Variants in SARDH observed in about 807,000 individuals in gnomAD.
SARDH encodes the protein sarcosine dehydrogenase, mitochondrial.
A neutral mutation model predicts 109.1 loss-of-function variants in SARDH; 95 were observed. That is an observed-to-expected ratio of 0.87 (90% CI 0.74 to 1.03). The LOEUF is 1.03. Among genes scored for constraint, SARDH ranks in the 50% least tolerant of loss-of-function variants. The pLI, the probability that SARDH is intolerant of heterozygous loss-of-function variation, is 0.00. For missense variants in SARDH, 1,267 were observed against 1,287.8 expected (o/e 0.98, Z 0.25); for synonymous variants, 572 against 534.8 (o/e 1.07, Z -0.96).
chr9:133,683,321 G>A (rs2131364687), intron 17 of SARDH, among the ~76,000 whole-genome samples: 1 of 152,320 alleles, frequency 6.6e-6, no homozygotes, highest in East Asian at 1.9e-4. Flanking sequence ...CAAATGGGAG[G>A]GGACGTGTTC....
chr9:133,685,116 GC>G, intron 17 of SARDH, 76 bp downstream of exon 17: 4 of 1,238,442 alleles, frequency 3.2e-6, no homozygotes, highest in Non-Finnish European at 3.4e-6. Flanking sequence ...AGAGCCCCCA[GC>G]CCCCAGATCC....
Position 133,663,959 on chromosome 9 carries a change from G to T in SARDH, c.2687C>A (p.Thr896Asn), listed in dbSNP as rs756954902. The T allele has an allele frequency of 6.2e-7, 1 of 1,614,180 alleles. No individual in the cohort carries two copies. Reference sequence around the variant, plus strand: ...CTTCAGGTGAGCCTGGGCACCATAGGTCACCCCCATTCTCTCCAGGGCATA... The same window carrying T: ...CTTCAGGTGAGCCTGGGCACCATAGTTCACCCCCATTCTCTCCAGGGCATA... ...GDYALERMGVTYGAQAHLKSP... is the reference protein window; with the variant it reads ...GDYALERMGVNYGAQAHLKSP... Residue 896 changes from threonine to asparagine, a missense_variant, in exon 21 of 21, where the codon ACC becomes AAC. Transcript: ENST00000439388.
rs1831172324 is a variant in SARDH, at chr9:133,693,455, G to A, written c.1921+803C>T. The stretch of plus-strand genomic sequence containing the variant: ...AGATGCCAGGTTTTCTGAATGGGCT[G>A]AGCCCTCCCCGCTGACTGTGCCCCT... On this transcript the variant is annotated intron_variant, in intron 15 of 20. Transcript: ENST00000439388. The surrounding 1 kb of genome is among the most constrained non-coding windows in gnomAD (Gnocchi z 5.6). Among the ~76,000 whole-genome samples, 1 of 152,212 alleles carries A rather than the reference G, an allele frequency of 6.6e-6. No homozygotes were observed. Among genetic ancestry groups the A allele is most frequent in the Non-Finnish European group, 1.5e-5 (1 of 68,036 alleles).
chr9:133,722,887 G>A (rs1355870686), intron 6 of SARDH, among the ~76,000 whole-genome samples: 1 of 152,128 alleles, frequency 6.6e-6, no homozygotes. Context: ...TTGAACTCCT[G>A]ACCTCAAGCA....
chr9:133,725,658 A>T (rs190420219), intron 6 of SARDH: 106 of 240,504 alleles, frequency 4.4e-4, no homozygotes, highest in African/African-American at 2.2e-3. Flanking sequence ...TGTGGGCAAC[A>T]AAGTGAAACT....
chr9:133,733,172 G>A (rs1373897268), intron 2 of SARDH, among the ~76,000 whole-genome samples: 29 of 152,216 alleles, frequency 1.9e-4, no homozygotes, highest in Admixed American at 1.9e-3. Context: ...AGTGGCTTGT[G>A]GGAGCCGGCT....
chr9:133,713,095 T>G lies in SARDH; in HGVS notation c.1180A>C (p.Met394Leu), dbSNP rs746393902. Reference protein sequence around the residue: ...ESFTPDHKPLMGEAPELRGFF... With the variant: ...ESFTPDHKPLLGEAPELRGFF... The stretch of plus-strand genomic sequence containing the variant: ...CCTCGGAGCTCAGGTGCCTCCCCCA[T>G]CAGGGGCTTGTGGTCGGGCGTGAAG... The change falls in exon 9 of 21, where the codon ATG becomes CTG. Residue 394 changes from methionine to leucine, a missense_variant. Physicochemically the swap from Met to Leu is conservative, Grantham distance 15 (BLOSUM62 2). Transcript: ENST00000439388. The G allele has an allele frequency of 1.9e-6, 3 of 1,613,290 alleles. No homozygotes were observed. Among genetic ancestry groups the G allele is most frequent in the African/African-American group, 2.7e-5 (2 of 74,892 alleles).
At chr9:133,715,002 C>A (rs893319835) in intron 8 of SARDH, among the ~76,000 whole-genome samples, 1 of 152,202 alleles carries the variant, frequency 6.6e-6, no homozygotes, top group South Asian at 2.1e-4. Flanking sequence ...GTTGAGTAAC[C>A]CGAGGACACA....
chr9:133,662,655 G>A (rs987586203), downstream of SARDH, among the ~76,000 whole-genome samples: 7 of 152,222 alleles, frequency 4.6e-5, no homozygotes, highest in African/African-American at 9.6e-5. This position sits in a 1 kb window ranked among gnomAD's most constrained non-coding sequence, Gnocchi z 5.1. Flanking sequence ...AGTGGGCCGC[G>A]TGGCCTGGGA....
chr9:133,678,498 A>T (rs1238997561), intron 17 of SARDH, among the ~76,000 whole-genome samples: 4 of 152,202 alleles, frequency 2.6e-5, no homozygotes, highest in Admixed American at 6.5e-5. Flanking sequence ...TAGAAATACA[A>T]CTCAAGCCTT....
rs1016327181 is a variant in SARDH, at chr9:133,693,985, G to A, written c.1921+273C>T. 6.6e-6 allele frequency among the ~76,000 whole-genome samples: 1 copy of A among 152,212 alleles called. No individual in the cohort carries two copies. The highest frequency in any genetic ancestry group is 1.5e-5 in the Non-Finnish European group (1 of 68,038). On this transcript the variant is annotated intron_variant, in intron 15 of 20. Transcript: ENST00000439388. The surrounding 1 kb of genome is among the most constrained non-coding windows in gnomAD (Gnocchi z 5.6). ...TGTTCCGGGAAACCGAGCCGAGCACGCCCACACTGCAGCCACTCCGAACCG... is the reference window on the plus strand; with the variant it reads ...TGTTCCGGGAAACCGAGCCGAGCACACCCACACTGCAGCCACTCCGAACCG...
intron 13 of SARDH, among the ~76,000 whole-genome samples, chr9:133,701,534 C>T (rs968497026): frequency 6.6e-6 from 1 of 152,252 alleles, no homozygotes; most frequent in Non-Finnish European, 1.5e-5. Flanking sequence ...CGGCTTCAGG[C>T]GCGTTTGCGG....
At chr9:133,668,292 T>TCCCTCCCTCTCCCTCCCTCTCCCCTCA (rs1830148216) in intron 19 of SARDH, among the ~76,000 whole-genome samples, 1 of 112,582 alleles carries the variant, frequency 8.9e-6, no homozygotes, top group African/African-American at 3.5e-5. Context: ...TCCCTCCCTC[T>TCCCTCCCTCTCCCTCCCTCTCCCCTCA]CCCTCCCTCT....
At position 133,712,749 on chromosome 9, in the gene SARDH, A is replaced by C. The variant is rs1831972705; in HGVS notation, c.1238-40T>G. ...AGCGCAGGGCTGCGGTCTGCCCCCC[A>C]GGGTCCCCCACCCATGTCCAAACAT... On this transcript the variant is annotated intron_variant, in intron 9 of 20. Coordinates refer to ENST00000439388, the MANE Select transcript of SARDH (RefSeq NM_001134707.2). The surrounding 1 kb of genome is among the most constrained non-coding windows in gnomAD (Gnocchi z 4.1). 2 of 1,578,980 alleles carry C rather than the reference A, an allele frequency of 1.3e-6. No individual in the cohort carries two copies. The highest frequency in any genetic ancestry group is 1.1e-5 in the South Asian group (1 of 90,474).
downstream of SARDH, among the ~76,000 whole-genome samples, chr9:133,660,583 T>C (rs757206764): frequency 2.0e-4 from 31 of 152,202 alleles, no homozygotes; most frequent in Non-Finnish European, 4.0e-4. Context: ...CAGCCCAGGT[T>C]GCTATTCCTG....
At chr9:133,662,048 G>C (rs1219941661), downstream of SARDH, among the ~76,000 whole-genome samples, 1 of 152,074 alleles carries the variant, frequency 6.6e-6, no homozygotes, top group Non-Finnish European at 1.5e-5. The surrounding 1 kb of genome is among the most constrained non-coding windows in gnomAD (Gnocchi z 5.1). Context: ...ATGAGCTTGG[G>C]AGGTGAGTTG....
intron 8 of SARDH, among the ~76,000 whole-genome samples, chr9:133,714,701 G>C (rs971431246): frequency 6.6e-6 from 1 of 152,176 alleles, no homozygotes; most frequent in Non-Finnish European, 1.5e-5. Flanking sequence ...GATGGCTTGA[G>C]CCCAGGAGGT....
At chr9:133,670,929 G>A (rs1316735411) in intron 18 of SARDH, among the ~76,000 whole-genome samples, 177 bp from the exon 19 acceptor site, 2 of 152,110 alleles carry the variant, frequency 1.3e-5, no homozygotes, top group Admixed American at 6.5e-5. Flanking sequence ...TCCCTGGGGC[G>A]ACCGCTCCCC....
chr9:133,700,010 C>T (rs1370346447), intron 13 of SARDH, among the ~76,000 whole-genome samples: 1 of 152,172 alleles, frequency 6.6e-6, no homozygotes, highest in South Asian at 2.1e-4. Flanking sequence ...TGGGTCCATA[C>T]AATGGAATAT....
Sources: allele counts gnomAD v4.1 joint callset (sites outside exome capture counted in the v4.1 genomes callset), GRCh38; gene constraint gnomAD v4.1.1; non-coding constraint Gnocchi (gnomAD v3.1); transcripts MANE v1.5; gene names NCBI Gene and HGNC (gene_info 2026-07-23, HGNC 2026-07-21).